Variants in CHSY1 observed in about 807,000 individuals in gnomAD.
CHSY1 encodes chondroitin sulfate synthase 1, also known as N-acetylgalactosaminyl-proteoglycan 3-beta-glucuronosyltransferase 1.
In CHSY1, 13 loss-of-function variants were observed where a neutral mutation model predicts 59.8. The observed-to-expected ratio is 0.22, with a 90% confidence interval of 0.14 to 0.35. CHSY1 has a LOEUF of 0.35. CHSY1 is among the 10% of genes least tolerant of loss of function. CHSY1 has a pLI of 1.00. For synonymous variants in CHSY1, 459 were observed against 401.2 expected (o/e 1.14, Z -1.72); for missense variants, 947 against 1,030.6 (o/e 0.92, Z 1.11).
At chr15:101,205,674 G>A (rs541135756) in intron 2 of CHSY1, among the ~76,000 whole-genome samples, 48 of 152,288 alleles carry the variant, frequency 3.2e-4, no homozygotes, top group African/African-American at 8.9e-4. Flanking sequence ...ATTGTTGGCC[G>A]GGCGTGGTGG....
At chr15:101,186,159 A>AG (rs1488456062) in intron 2 of CHSY1, among the ~76,000 whole-genome samples, 1 of 150,670 alleles carries the variant, frequency 6.6e-6, no homozygotes, top group Non-Finnish European at 1.5e-5. Context: ...AAAAAAAAAA[A>AG]AAAAAAAAAA....
intron 1 of CHSY1, among the ~76,000 whole-genome samples, chr15:101,246,594 A>T (rs1284185508): frequency 6.6e-6 from 1 of 152,262 alleles, no homozygotes; most frequent in East Asian, 1.9e-4. Flanking sequence ...AACATACCCA[A>T]GAATTCTGAG....
At chr15:101,231,118 C>T (rs985487638) in intron 2 of CHSY1, among the ~76,000 whole-genome samples, 52 of 152,264 alleles carry the variant, frequency 3.4e-4, no homozygotes, top group African/African-American at 1.2e-3. Flanking sequence ...ATTGGGGTAA[C>T]AGCAGCCCTT....
At chr15:101,195,497 C>A (rs1186590100) in intron 2 of CHSY1, among the ~76,000 whole-genome samples, 1 of 152,176 alleles carries the variant, frequency 6.6e-6, no homozygotes, top group African/African-American at 2.4e-5. Context: ...CATGTGTCAA[C>A]CGAAAGCTAC....
intron 2 of CHSY1, among the ~76,000 whole-genome samples, chr15:101,195,657 T>C (rs2141250017): frequency 6.6e-6 from 1 of 152,104 alleles, no homozygotes; most frequent in South Asian, 2.1e-4. Flanking sequence ...CTGTTTCTAC[T>C]AAAAATACAA....
chr15:101,219,704 C>A (rs2038770162), intron 2 of CHSY1, among the ~76,000 whole-genome samples: 1 of 152,126 alleles, frequency 6.6e-6, no homozygotes, highest in Non-Finnish European at 1.5e-5. Flanking sequence ...CAGTCATCAG[C>A]AGAGAAAAAA....
At chr15:101,219,982 G>A (rs1410296335) in intron 2 of CHSY1, among the ~76,000 whole-genome samples, 1 of 152,110 alleles carries the variant, frequency 6.6e-6, no homozygotes, top group African/African-American at 2.4e-5. Context: ...TTCAACTCCT[G>A]ACCTCAGGGG....
intron 1 of CHSY1, among the ~76,000 whole-genome samples, chr15:101,243,023 G>A (rs60059472): frequency 0.011 from 1,686 of 152,266 alleles, 25 homozygotes; most frequent in African/African-American, 0.035. Flanking sequence ...AGACTTGAGG[G>A]GAAAGCAAGC....
At chr15:101,224,444 C>T (rs563866056) in intron 2 of CHSY1, among the ~76,000 whole-genome samples, 2 of 152,324 alleles carry the variant, frequency 1.3e-5, no homozygotes, top group African/African-American at 4.8e-5. Flanking sequence ...AAAAACATAA[C>T]TTCAGTTCCC....
At position 101,239,815 on chromosome 15, in the gene CHSY1, G is replaced by A. The variant is rs79302001; in HGVS notation, c.321-4238C>T. 4.1e-3 allele frequency among the ~76,000 whole-genome samples: 625 copies of A among 152,020 alleles called. 4 individuals carry two copies. Among genetic ancestry groups the A allele is most frequent in the African/African-American group, 0.013 (558 of 41,510 alleles). On this transcript the variant is annotated intron_variant, in intron 1 of 2. Transcript: ENST00000254190. ...TAACTGCAAATTTCACGAGCATTTC[G>A]CGGTAGAGCACGAGAAACTTCCCTA...
intron 2 of CHSY1, among the ~76,000 whole-genome samples, chr15:101,233,507 A>G (rs1281126719): frequency 6.6e-6 from 1 of 152,194 alleles, no homozygotes; most frequent in Admixed American, 6.5e-5. Context: ...TAGGATGGGG[A>G]AAAATGCAGA....
intron 1 of CHSY1, 127 bp from the exon 2 acceptor site, chr15:101,235,704 G>C (rs937796085): frequency 9.7e-7 from 1 of 1,034,742 alleles, no homozygotes; most frequent in African/African-American, 1.6e-5. Context: ...GGCCTGCTTG[G>C]TTCCTCTTAA....
intron 2 of CHSY1, among the ~76,000 whole-genome samples, chr15:101,180,339 G>T (rs1596421610): frequency 6.6e-6 from 1 of 152,224 alleles, no homozygotes; most frequent in South Asian, 2.1e-4. Flanking sequence ...GTCCTCCAAA[G>T]TGCCGCCGCT....
Position 101,177,699 on chromosome 15 carries a change from T to C in CHSY1, c.2098A>G (p.Lys700Glu). 1.2e-6 allele frequency: 2 copies of C among 1,614,250 alleles called. No homozygotes were observed. Among genetic ancestry groups the C allele is most frequent in the Non-Finnish European group, 1.7e-6 (2 of 1,180,040 alleles). ...NYGFGITCIY[K>E]GDLVRVGGFD... Reference sequence around the variant, plus strand: ...CCACCCACTCGGACAAGATCTCCCTTATAAATACACGTGATGCCAAACCCA... The same window carrying C: ...CCACCCACTCGGACAAGATCTCCCTCATAAATACACGTGATGCCAAACCCA... Residue 700 changes from lysine to glutamate, a missense_variant, in exon 3 of 3, where the codon AAG becomes GAG. Coordinates refer to ENST00000254190, the MANE Select transcript of CHSY1 (RefSeq NM_014918.5).
chr15:101,235,668 TTC>T, intron 1 of CHSY1, 91 bp from the exon 2 acceptor site: 1 of 1,398,646 alleles, frequency 7.1e-7, no homozygotes, highest in South Asian at 1.2e-5. Context: ...TATCGCCGTG[TTC>T]AATGGAATGA....
At chr15:101,215,635 C>T (rs571346273) in intron 2 of CHSY1, among the ~76,000 whole-genome samples, 12 of 152,196 alleles carry the variant, frequency 7.9e-5, no homozygotes, top group South Asian at 4.1e-4. Context: ...CCCAGGAGGC[C>T]GAGGCAGGAG....
chr15:101,237,122 G>A (rs2038952103), intron 1 of CHSY1, among the ~76,000 whole-genome samples: 1 of 150,404 alleles, frequency 6.6e-6, no homozygotes, highest in South Asian at 2.1e-4. Context: ...TACTCAGGAG[G>A]CTGAGGCAGA....
chr15:101,190,943 CAA>C (rs147760188), intron 2 of CHSY1, among the ~76,000 whole-genome samples: 8,367 of 152,280 alleles, frequency 0.055, 320 homozygotes, highest in Admixed American at 0.11. Context: ...GGACATGGAA[CAA>C]GAGGGACTCT....
intron 2 of CHSY1, among the ~76,000 whole-genome samples, chr15:101,198,631 G>A (rs952998548): frequency 4.6e-5 from 7 of 152,270 alleles, no homozygotes; most frequent in South Asian, 2.1e-4. Flanking sequence ...CGGAGAAAGC[G>A]TACTTTCAAA....
Sources: allele counts gnomAD v4.1 joint callset (sites outside exome capture counted in the v4.1 genomes callset), GRCh38; gene constraint gnomAD v4.1.1; transcripts MANE v1.5; gene names NCBI Gene and HGNC (gene_info 2026-07-23, HGNC 2026-07-21).